The following TTC28 variants were observed in gnomAD, a reference collection of about 807,000 sequenced individuals.
TTC28 encodes the protein tetratricopeptide repeat protein 28.
A neutral mutation model predicts 198.0 loss-of-function variants in TTC28; 61 were observed. The observed-to-expected ratio is 0.31, with a 90% confidence interval of 0.25 to 0.38. The LOEUF (loss-of-function observed/expected upper bound fraction) is 0.38, where lower values mean the gene tolerates loss of function less well. TTC28 is among the 10% of genes least tolerant of loss of function. TTC28 has a pLI of 1.00. For missense variants in TTC28, 2,678 were observed against 3,164.0 expected, an observed-to-expected ratio of 0.85 and a Z score of 3.69; for synonymous variants, 1,171 against 1,297.8, an observed-to-expected ratio of 0.90 and a Z score of 2.10.
At chr22:28,289,470 T>G (rs979800486) in intron 5 of TTC28, among the ~76,000 whole-genome samples, 7 of 152,118 alleles carry the variant, frequency 4.6e-5, no homozygotes, top group Non-Finnish European at 1.0e-4. Context: ...GACAGAAGGT[T>G]AGTCAGAATA....
At chr22:28,148,221 G>C (rs903916173) in intron 6 of TTC28, among the ~76,000 whole-genome samples, 7 of 152,186 alleles carry the variant, frequency 4.6e-5, no homozygotes, top group Admixed American at 2.0e-4. Context: ...TAACTGTAAG[G>C]AGTAAAATTA....
chr22:28,679,739 G>A lies in TTC28; in HGVS notation c.-16C>T. The A allele has an allele frequency of 8.3e-7, 1 of 1,204,360 alleles. No individual in the cohort carries two copies. The highest frequency in any genetic ancestry group is 1.0e-6 in the Non-Finnish European group (1 of 966,530). The allele number at this position is 1,204,360 out of a possible 1,614,324, so 74.6% of individuals were successfully genotyped here. On this transcript the variant is annotated 5_prime_UTR_variant, in exon 1 of 23. Coordinates refer to ENST00000397906, the MANE Select transcript of TTC28 (RefSeq NM_001145418.2). Reference sequence around the variant, plus strand: ...ACTGCTCCATCCCCACGGGGCCCGGGCCGCGTCCGCCTCGAGCTAACGGTC... The same window carrying A: ...ACTGCTCCATCCCCACGGGGCCCGGACCGCGTCCGCCTCGAGCTAACGGTC...
At chr22:28,277,292 T>C (rs1302976817) in intron 5 of TTC28, among the ~76,000 whole-genome samples, 2 of 152,222 alleles carry the variant, frequency 1.3e-5, no homozygotes, top group Admixed American at 6.5e-5. Context: ...GGGATTCATA[T>C]ATGTTGCATG....
At chr22:28,164,262 T>TC (rs765092109) in intron 5 of TTC28, among the ~76,000 whole-genome samples, 10 of 152,124 alleles carry the variant, frequency 6.6e-5, no homozygotes, top group Non-Finnish European at 1.2e-4. Context: ...TCTGCAGACT[T>TC]AAATGTCCCT....
intron 6 of TTC28, among the ~76,000 whole-genome samples, chr22:28,110,521 GA>G (rs1942452538): frequency 6.6e-6 from 1 of 152,114 alleles, no homozygotes; most frequent in African/African-American, 2.4e-5. Flanking sequence ...TAAGGTGCTG[GA>G]AATTAAATAA....
chr22:28,037,636 C>T (rs1601545533), intron 12 of TTC28, among the ~76,000 whole-genome samples: 1 of 152,198 alleles, frequency 6.6e-6, no homozygotes, highest in Non-Finnish European at 1.5e-5. Context: ...CTCACCACTC[C>T]TATTCAACAT....
rs1210067905 is a variant in TTC28, at chr22:27,998,681, C to G, written c.4978G>C (p.Val1660Leu). The G allele has an allele frequency of 1.9e-6, 3 of 1,550,802 alleles. No homozygotes were observed. The highest frequency in any genetic ancestry group is 1.4e-5 in the African/African-American group (1 of 73,068). ...AACATCTTAGAAGCAGCCACTGGCACAGGCCACAGAGACACGAGGACACAC... is the reference window on the plus strand; with the variant it reads ...AACATCTTAGAAGCAGCCACTGGCAGAGGCCACAGAGACACGAGGACACAC... ...AQCVLVSLWPVPVAASKMFIH... is the reference protein window; with the variant it reads ...AQCVLVSLWPLPVAASKMFIH... Residue 1660 changes from valine to leucine, a missense_variant, in exon 16 of 23, where the codon GTG (valine) becomes CTG (leucine). Physicochemically the swap from Val to Leu is conservative, Grantham distance 32. Coordinates refer to ENST00000397906, the MANE Select transcript of TTC28 (RefSeq NM_001145418.2).
At chr22:28,431,730 C>T (rs553187979) in intron 2 of TTC28, among the ~76,000 whole-genome samples, 3 of 152,198 alleles carry the variant, frequency 2.0e-5, no homozygotes, top group Non-Finnish European at 4.4e-5. Context: ...GTAATCCCAG[C>T]ACTTCGGGAG....
intron 12 of TTC28, among the ~76,000 whole-genome samples, chr22:28,049,459 G>C (rs1176487826): frequency 6.6e-6 from 1 of 152,114 alleles, no homozygotes; most frequent in Non-Finnish European, 1.5e-5. Context: ...AACTGTTACA[G>C]AAAGGAATTT....
chr22:28,134,377 G>T (rs1943146688), intron 6 of TTC28, among the ~76,000 whole-genome samples: 1 of 152,218 alleles, frequency 6.6e-6, no homozygotes, highest in Non-Finnish European at 1.5e-5. Context: ...TTGATGAGTT[G>T]AGAGAAGAAG....
chr22:28,036,316 G>C (rs939628223), intron 12 of TTC28, among the ~76,000 whole-genome samples: 1 of 152,194 alleles, frequency 6.6e-6, no homozygotes. Context: ...ACAACAAACT[G>C]TCTCTCACAC....
intron 2 of TTC28, among the ~76,000 whole-genome samples, chr22:28,546,904 T>C (rs957642388): frequency 1.3e-5 from 2 of 152,030 alleles, no homozygotes; most frequent in African/African-American, 4.8e-5. Context: ...TCCAAACATA[T>C]GAGACTCTAG....
intron 2 of TTC28, among the ~76,000 whole-genome samples, chr22:28,579,459 A>G (rs1037449170): frequency 3.4e-5 from 5 of 148,768 alleles, no homozygotes; most frequent in African/African-American, 1.2e-4. Context: ...AACTATATAC[A>G]TAGCTACATA....
At chr22:28,010,415 G>A (rs925082612) in intron 14 of TTC28, among the ~76,000 whole-genome samples, 7 of 152,156 alleles carry the variant, frequency 4.6e-5, no homozygotes, top group Non-Finnish European at 1.0e-4. Flanking sequence ...TAAAACACAT[G>A]GCACAACTTT....
chr22:28,081,798 A>G (rs1941373861), intron 12 of TTC28, among the ~76,000 whole-genome samples: 2 of 152,156 alleles, frequency 1.3e-5, no homozygotes, highest in East Asian at 1.9e-4. Context: ...GGCTGCCACT[A>G]GGATTTTGCT....
chr22:28,574,437 T>C (rs965509628), intron 2 of TTC28, among the ~76,000 whole-genome samples: 5 of 152,166 alleles, frequency 3.3e-5, no homozygotes, highest in African/African-American at 9.7e-5. Flanking sequence ...GATGAACATT[T>C]AGGTTGCTTC....
intron 2 of TTC28, among the ~76,000 whole-genome samples, chr22:28,495,698 A>C (rs1215846853): frequency 6.6e-6 from 1 of 152,184 alleles, no homozygotes; most frequent in Non-Finnish European, 1.5e-5. Flanking sequence ...TTGTGGAAAT[A>C]ATTCATTCAA....
intron 2 of TTC28, among the ~76,000 whole-genome samples, chr22:28,533,884 C>G (rs2049202447): frequency 6.6e-6 from 1 of 152,202 alleles, no homozygotes; most frequent in Admixed American, 6.5e-5. Flanking sequence ...TGGATCCCCT[C>G]CTTACCCCTT....
intron 5 of TTC28, among the ~76,000 whole-genome samples, chr22:28,234,452 A>G (rs1174648859): frequency 6.6e-6 from 1 of 151,944 alleles, no homozygotes; most frequent in Non-Finnish European, 1.5e-5. Context: ...AGCTCACTGC[A>G]ACCTCAGCCT....
Sources: allele counts gnomAD v4.1 joint callset (sites outside exome capture counted in the v4.1 genomes callset), GRCh38; gene constraint gnomAD v4.1.1; transcripts MANE v1.5; gene names NCBI Gene and HGNC (gene_info 2026-07-23, HGNC 2026-07-21).